Variants in CHN2 observed in about 807,000 individuals in gnomAD.
CHN2 encodes beta-chimaerin.
In CHN2, 35 loss-of-function variants were observed where a neutral mutation model predicts 56.3. The observed-to-expected ratio is 0.62, with a 90% CI of 0.47 to 0.82. CHN2 has a LOEUF of 0.82. CHN2 is among the 40% of genes least tolerant of loss of function. The pLI, the probability that CHN2 is intolerant of heterozygous loss-of-function variation, is 0.00. For synonymous variants in CHN2, 210 were observed against 212.8 expected (o/e 0.99, Z 0.12); for missense variants, 491 against 580.5 (o/e 0.85, Z 1.58).
intron 2 of CHN2, among the ~76,000 whole-genome samples, chr7:29,360,040 A>C (rs1470702468): frequency 6.6e-6 from 1 of 152,214 alleles, no homozygotes; most frequent in Non-Finnish European, 1.5e-5. Flanking sequence ...GATATTTATG[A>C]TAATTATTCC....
chr7:29,311,022 A>T (rs1794560029), intron 1 of CHN2, among the ~76,000 whole-genome samples: 1 of 152,254 alleles, frequency 6.6e-6, no homozygotes, highest in Non-Finnish European at 1.5e-5. Context: ...TGTGCAATTT[A>T]AAAAGCCCCA....
intron 1 of CHN2, among the ~76,000 whole-genome samples, chr7:29,339,869 T>C (rs943931232): frequency 2.0e-5 from 3 of 151,322 alleles, no homozygotes; most frequent in Non-Finnish European, 4.4e-5. Flanking sequence ...AAAAAAATAA[T>C]AACAATACTG....
At chr7:29,441,992 A>C (rs769471543) in intron 6 of CHN2, among the ~76,000 whole-genome samples, 1 of 152,234 alleles carries the variant, frequency 6.6e-6, no homozygotes, top group African/African-American at 2.4e-5. Context: ...TGTTCATAAC[A>C]GAACTACCCA....
chr7:29,449,833 C>T (rs2128129888), intron 6 of CHN2, among the ~76,000 whole-genome samples: 1 of 152,332 alleles, frequency 6.6e-6, no homozygotes, highest in Non-Finnish European at 1.5e-5. Context: ...AGGCCAAGCC[C>T]AAAGAGCAAA....
intron 7 of CHN2, among the ~76,000 whole-genome samples, chr7:29,489,718 G>A (rs1217536874): frequency 6.6e-6 from 1 of 152,188 alleles, no homozygotes; most frequent in African/African-American, 2.4e-5. Context: ...GGGACACTGG[G>A]TGCTACTTGC....
chr7:29,512,867 T>C lies in CHN2; in HGVS notation c.*132T>C, dbSNP rs1009201931. 2.1e-6 allele frequency: 2 copies of C among 971,980 alleles called. No individual in the cohort carries two copies. The highest frequency in any genetic ancestry group is 3.0e-6 in the Non-Finnish European group (2 of 662,264). The allele number at this position is 971,980 out of a possible 1,614,324, so 60.2% of individuals were successfully genotyped here. A position where few individuals can be genotyped will look rare whatever the true frequency, so the allele number is the denominator to read the frequency against. On this transcript the variant is annotated 3_prime_UTR_variant, in exon 13 of 13. Transcript: ENST00000222792. ...AATTTCCTGGACTGCAGAGGATCGCTGAGTGGGGTACTGTGTCTCATAGAC... is the reference window on the plus strand; with the variant it reads ...AATTTCCTGGACTGCAGAGGATCGCCGAGTGGGGTACTGTGTCTCATAGAC...
chr7:29,185,120 G>A (rs1798554054), intron 2 of CHN2, among the ~76,000 whole-genome samples: 1 of 152,146 alleles, frequency 6.6e-6, no homozygotes, highest in Admixed American at 6.5e-5. Context: ...GTGGTGTGAA[G>A]TATTTCTCAG....
intron 7 of CHN2, among the ~76,000 whole-genome samples, chr7:29,490,617 T>G (rs1788554358): frequency 6.6e-6 from 1 of 152,196 alleles, no homozygotes; most frequent in African/African-American, 2.4e-5. Context: ...ATATAATTCA[T>G]CTGTCTGACA....
chr7:29,365,236 A>G (rs1799059923), intron 2 of CHN2, among the ~76,000 whole-genome samples: 1 of 152,230 alleles, frequency 6.6e-6, no homozygotes, highest in African/African-American at 2.4e-5. Flanking sequence ...TGGGCCTCTC[A>G]CTAAAGCTGA....
chr7:29,166,850 G>A (rs1393204770), intron 2 of CHN2, among the ~76,000 whole-genome samples: 4 of 151,490 alleles, frequency 2.6e-5, no homozygotes, highest in Non-Finnish European at 5.9e-5. Context: ...TCTATTTCCT[G>A]TACCTTCTTG....
At chr7:29,303,645 C>T (rs900256726) in intron 1 of CHN2, among the ~76,000 whole-genome samples, 1 of 152,234 alleles carries the variant, frequency 6.6e-6, no homozygotes, top group African/African-American at 2.4e-5. Context: ...ATAGGACTTT[C>T]TTCAGAGCCT....
At chr7:29,149,443 C>G (rs1325957487) in intron 2 of CHN2, among the ~76,000 whole-genome samples, 2 of 152,084 alleles carry the variant, frequency 1.3e-5, no homozygotes, top group Non-Finnish European at 2.9e-5. Context: ...ATCCACCTGC[C>G]TTGGCCTCCC....
intron 1 of CHN2, among the ~76,000 whole-genome samples, chr7:29,233,683 A>G (rs1031585513): frequency 3.3e-5 from 5 of 152,126 alleles, no homozygotes; most frequent in Non-Finnish European, 7.3e-5. Flanking sequence ...AAAGTGAGAA[A>G]GACTCAACGG....
At chr7:29,459,955 C>T (rs937319210) in intron 6 of CHN2, among the ~76,000 whole-genome samples, 2 of 152,186 alleles carry the variant, frequency 1.3e-5, no homozygotes, top group Non-Finnish European at 2.9e-5. Flanking sequence ...CTCTGCCTCC[C>T]CCTCTGCCAC....
chr7:29,252,209 T>TTTA (rs1554377793), intron 1 of CHN2, among the ~76,000 whole-genome samples: 1 of 150,198 alleles, frequency 6.7e-6, no homozygotes, highest in African/African-American at 2.5e-5. Flanking sequence ...TTTTTTTTTT[T>TTTA]AGACAGTCTT....
intron 1 of CHN2, among the ~76,000 whole-genome samples, chr7:29,342,620 GA>G (rs567496619): frequency 5.2e-4 from 79 of 152,330 alleles, no homozygotes; most frequent in Non-Finnish European, 9.7e-4. Context: ...TAAATGGAAA[GA>G]GTGGAGAGCT....
chr7:29,283,637 G>A (rs1183968016), intron 1 of CHN2, among the ~76,000 whole-genome samples: 1 of 152,008 alleles, frequency 6.6e-6, no homozygotes, highest in Non-Finnish European at 1.5e-5. Context: ...CATTTTTATT[G>A]AGATGGAGTC....
intron 1 of CHN2, among the ~76,000 whole-genome samples, chr7:29,312,662 C>T (rs1470919730): frequency 6.6e-6 from 1 of 151,760 alleles, no homozygotes; most frequent in Non-Finnish European, 1.5e-5. Flanking sequence ...TGCTTACTGC[C>T]GTAGAGAGAG....
In CHN2 at chr7:29,499,739, G is replaced by A. The variant is rs906527641; in HGVS notation, c.740-128G>A. 1.5e-5 allele frequency: 11 copies of A among 751,848 alleles called. No individual in the cohort carries two copies. The South Asian group carries it at 2.4e-4, about 16-fold the overall frequency. 46.6% of individuals were successfully genotyped at this position (751,848 alleles called of 1,614,324 possible). Reference sequence around the variant, plus strand: ...TTATCCTGTAGAGAGTCCTAGAAACGGGATAGATGTTCCAGAGAAATATGT... The same window carrying A: ...TTATCCTGTAGAGAGTCCTAGAAACAGGATAGATGTTCCAGAGAAATATGT... On this transcript the variant is annotated intron_variant, in intron 8 of 12. Transcript: ENST00000222792.
Sources: allele counts gnomAD v4.1 joint callset (sites outside exome capture counted in the v4.1 genomes callset), GRCh38; gene constraint gnomAD v4.1.1; transcripts MANE v1.5; gene names NCBI Gene and HGNC (gene_info 2026-07-23, HGNC 2026-07-21).